Variants in SLIT3 observed in about 807,000 individuals in gnomAD.
SLIT3 encodes the protein slit homolog 3 protein.
In SLIT3, 68 loss-of-function variants were observed where a neutral mutation model predicts 184.0. That is an observed-to-expected ratio of 0.37 (90% CI 0.30 to 0.45). The LOEUF is 0.45. Among genes scored for constraint, SLIT3 ranks in the 20% least tolerant of loss-of-function variants. SLIT3 has a pLI of 1.00. For missense variants in SLIT3, 1,707 were observed against 2,026.0 expected, an observed-to-expected ratio of 0.84 and a Z score of 3.02; for synonymous variants, 831 against 828.6, an observed-to-expected ratio of 1.00 and a Z score of -0.05.
intron 3 of SLIT3, among the ~76,000 whole-genome samples, chr5:169,211,408 T>C (rs1368043489): frequency 6.6e-6 from 1 of 152,106 alleles, no homozygotes; most frequent in Non-Finnish European, 1.5e-5. Flanking sequence ...CCTCAGTTGC[T>C]CCCACATCAC....
At chr5:169,266,223 G>A (rs1041782260) in intron 1 of SLIT3, among the ~76,000 whole-genome samples, 7 of 152,146 alleles carry the variant, frequency 4.6e-5, no homozygotes, top group African/African-American at 1.7e-4. Context: ...TCACCGGGAG[G>A]CAGGAAACAA....
intron 4 of SLIT3, among the ~76,000 whole-genome samples, chr5:168,978,890 T>A (rs1754853955): frequency 7.3e-6 from 1 of 137,882 alleles, no homozygotes; most frequent in Non-Finnish European, 1.5e-5. Context: ...GTCATCCACC[T>A]TAATGGAATG....
intron 4 of SLIT3, among the ~76,000 whole-genome samples, chr5:169,132,276 G>C (rs1249013966): frequency 2.0e-5 from 3 of 152,234 alleles, no homozygotes; most frequent in African/African-American, 7.2e-5. Flanking sequence ...CCTCAAAGTA[G>C]TAAGTTCTCA....
chr5:168,948,520 T>G (rs1762557589), intron 4 of SLIT3, among the ~76,000 whole-genome samples: 2 of 152,162 alleles, frequency 1.3e-5, no homozygotes, highest in African/African-American at 4.8e-5. Context: ...TTGCAAGTCC[T>G]TCTGAGGCAG....
At chr5:169,084,454 ATTTTTTTTTTTT>A (rs56062027) in intron 4 of SLIT3, among the ~76,000 whole-genome samples, 20 of 101,418 alleles carry the variant, frequency 2.0e-4, no homozygotes, top group Non-Finnish European at 3.1e-4. Context: ...CCATGCCCAG[ATTTTTTTTTTTT>A]TTTTTTTTTT....
At chr5:169,297,187 C>A (rs1461719887) in intron 1 of SLIT3, among the ~76,000 whole-genome samples, 2 of 152,190 alleles carry the variant, frequency 1.3e-5, no homozygotes, top group African/African-American at 4.8e-5. Flanking sequence ...TTCTTCTCTG[C>A]ATTTATTTAG....
At chr5:168,680,030 C>T (rs537464865) in intron 32 of SLIT3, among the ~76,000 whole-genome samples, 2 of 152,364 alleles carry the variant, frequency 1.3e-5, no homozygotes, top group Non-Finnish European at 2.9e-5. Flanking sequence ...TTAGATATCT[C>T]ACATAGAAAC....
chr5:168,937,943 T>C (rs1762213379), intron 4 of SLIT3, among the ~76,000 whole-genome samples: 1 of 152,112 alleles, frequency 6.6e-6, no homozygotes, highest in Admixed American at 6.5e-5. Context: ...AGAAATACCT[T>C]AGGTGCAACT....
chr5:168,993,189 TCTC>T (rs1013395187), intron 4 of SLIT3: 11 of 152,290 alleles, frequency 7.2e-5, no homozygotes, highest in Admixed American at 3.9e-4. Context: ...TTCCTCTCCT[TCTC>T]CTAAGAGACT....
intron 3 of SLIT3, among the ~76,000 whole-genome samples, chr5:169,212,144 G>A (rs943890938): frequency 1.3e-5 from 2 of 152,258 alleles, no homozygotes; most frequent in South Asian, 4.2e-4. Context: ...CCCAGTAATG[G>A]GATTGCTGGG....
intron 4 of SLIT3, among the ~76,000 whole-genome samples, chr5:169,150,449 A>G (rs957959595): frequency 2.6e-5 from 4 of 152,146 alleles, no homozygotes; most frequent in Admixed American, 2.6e-4. Flanking sequence ...ACTAAGGAAG[A>G]AAAAATGGTC....
chr5:169,127,924 C>T lies in SLIT3; in HGVS notation c.413+65555G>A, dbSNP rs150612195. 7.4e-3 allele frequency among the ~76,000 whole-genome samples: 1,123 copies of T among 152,218 alleles called. 20 individuals are homozygous for T. The highest frequency in any genetic ancestry group is 0.026 in the African/African-American group (1,064 of 41,530). On this transcript the variant is annotated intron_variant, in intron 4 of 35. Coordinates refer to ENST00000519560, the MANE Select transcript of SLIT3 (RefSeq NM_003062.4). ...TATAACATTTGACCCAGTAATCCCA[C>T]TTTGGGAATCTAACTTACAGAAATA...
intron 4 of SLIT3, among the ~76,000 whole-genome samples, chr5:168,952,570 TTAAAAA>T (rs1298587075): frequency 8.3e-6 from 1 of 120,234 alleles, no homozygotes; most frequent in African/African-American, 4.0e-5. Flanking sequence ...GCAAAGGGAT[TTAAAAA>T]AAAAAAAAAA....
At chr5:169,059,693 G>A (rs1037821756) in intron 4 of SLIT3, among the ~76,000 whole-genome samples, 2 of 152,214 alleles carry the variant, frequency 1.3e-5, no homozygotes, top group Non-Finnish European at 2.9e-5. Context: ...GTCTGACTTG[G>A]CTTAAAATAA....
intron 1 of SLIT3, among the ~76,000 whole-genome samples, chr5:169,251,695 C>T (rs1200670951): frequency 1.3e-5 from 2 of 152,172 alleles, no homozygotes; most frequent in African/African-American, 4.8e-5. Context: ...GTGGTCCCTT[C>T]TTTAGGTAAC....
At chr5:169,287,661 G>A (rs1043686384) in intron 1 of SLIT3, among the ~76,000 whole-genome samples, 4 of 152,136 alleles carry the variant, frequency 2.6e-5, no homozygotes, top group Non-Finnish European at 5.9e-5. Context: ...CCAACAAGAG[G>A]GGGAGGAACA....
intron 4 of SLIT3, among the ~76,000 whole-genome samples, chr5:169,176,868 G>A (rs1581020490): frequency 6.6e-6 from 1 of 152,180 alleles, no homozygotes; most frequent in Non-Finnish European, 1.5e-5. Context: ...GAAAACTAGA[G>A]GGCCAACCTC....
At chr5:169,065,737 G>A (rs1175883336) in intron 4 of SLIT3, among the ~76,000 whole-genome samples, 1 of 152,216 alleles carries the variant, frequency 6.6e-6, no homozygotes, top group African/African-American at 2.4e-5. Flanking sequence ...CCATTCCATA[G>A]GAGCTGGAAG....
In SLIT3 at chr5:168,976,779, T is replaced by C. The variant is rs114762455; in HGVS notation, c.414-93443A>G. Among the ~76,000 whole-genome samples, 598 of 152,298 alleles carry C rather than the reference T, an allele frequency of 3.9e-3. 5 individuals are homozygous for C. Among genetic ancestry groups the C allele is most frequent in the African/African-American group, 0.014 (577 of 41,554 alleles). ...TTCCAGTTCAGTGACCTGCAGTTCCTATTGATTTAAGTGATGAATTATCTA... is the reference window on the plus strand; with the variant it reads ...TTCCAGTTCAGTGACCTGCAGTTCCCATTGATTTAAGTGATGAATTATCTA... On this transcript the variant is annotated intron_variant, in intron 4 of 35. Coordinates refer to ENST00000519560, the MANE Select transcript of SLIT3 (RefSeq NM_003062.4).
Sources: gnomAD v4.1 joint callset for allele counts (sites outside exome capture counted in the v4.1 genomes callset) on GRCh38, gnomAD v4.1.1 for gene constraint, MANE v1.5 for transcripts, NCBI Gene and HGNC (gene_info 2026-07-23, HGNC 2026-07-21) for gene names.